Variants in LEPR observed in about 807,000 individuals in gnomAD.
LEPR encodes leptin receptor.
LEPR carries 56 observed loss-of-function variants against 114.7 expected under a neutral mutation model. That is an observed-to-expected ratio of 0.49 (90% CI 0.39 to 0.61). The LOEUF (loss-of-function observed/expected upper bound fraction) is 0.61. LEPR is among the 20% of genes least tolerant of loss of function. The pLI is 0.00. For synonymous variants in LEPR, 443 were observed against 461.4 expected (o/e 0.96, Z 0.51); for missense variants, 1,202 against 1,352.9 (o/e 0.89, Z 1.75).
intron 2 of LEPR, chr1:65,435,181 GTTGT>G: frequency 1.0e-6 from 1 of 985,340 alleles, no homozygotes; most frequent in Non-Finnish European, 1.2e-6. Flanking sequence ...GCTTTTCATA[GTTGT>G]TTCTTTTCTT....
At chr1:65,625,742 G>A (rs1316000790) in intron 19 of LEPR, among the ~76,000 whole-genome samples, 2 of 152,212 alleles carry the variant, frequency 1.3e-5, no homozygotes. Flanking sequence ...AGGCAGAGAT[G>A]TGGTGTCCAG....
At chr1:65,485,694 C>T (rs1647450189) in intron 2 of LEPR, among the ~76,000 whole-genome samples, 1 of 152,128 alleles carries the variant, frequency 6.6e-6, no homozygotes. Context: ...GTTCTAAAAT[C>T]AGATTAGTCA....
chr1:65,504,209 C>G (rs1648607677), intron 2 of LEPR, among the ~76,000 whole-genome samples: 1 of 152,116 alleles, frequency 6.6e-6, no homozygotes, highest in African/African-American at 2.4e-5. Context: ...AAATAGGGAA[C>G]AAGATACATC....
chr1:65,428,617 G>A (rs1646425201), intron 2 of LEPR, among the ~76,000 whole-genome samples: 1 of 152,126 alleles, frequency 6.6e-6, no homozygotes. Flanking sequence ...GCTTTCATTA[G>A]TGTGGCTTCA....
chr1:65,552,523 C>T (rs183100109), intron 2 of LEPR, among the ~76,000 whole-genome samples: 9 of 152,202 alleles, frequency 5.9e-5, no homozygotes, highest in African/African-American at 2.2e-4. Flanking sequence ...ACTAGGATTG[C>T]AACCCCTGCT....
intron 2 of LEPR, chr1:65,434,637 G>A (rs1307497632): frequency 1.0e-6 from 1 of 985,296 alleles, no homozygotes. Context: ...TTTGGAGGAA[G>A]GACAGTGCAA....
At chr1:65,545,725 A>G (rs868862783) in intron 2 of LEPR, among the ~76,000 whole-genome samples, 221 of 150,730 alleles carry the variant, frequency 1.5e-3, no homozygotes, top group African/African-American at 5.2e-3. Flanking sequence ...TCAGATGAGT[A>G]GTTTGTGAAA....
chr1:65,523,715 G>T (rs1621286), intron 2 of LEPR, among the ~76,000 whole-genome samples: 38,264 of 152,098 alleles, frequency 0.25, 6,057 homozygotes, highest in African/African-American at 0.44. Flanking sequence ...AGTAGGCAAT[G>T]ATTTTGATCT....
At chr1:65,531,637 T>C (rs367800960) in intron 2 of LEPR, among the ~76,000 whole-genome samples, 1 of 152,274 alleles carries the variant, frequency 6.6e-6, no homozygotes, top group South Asian at 2.1e-4. Context: ...ATGTAAGAGG[T>C]GCTCAATGCT....
intron 2 of LEPR, among the ~76,000 whole-genome samples, chr1:65,472,210 G>A (rs576663038): frequency 6.6e-6 from 1 of 151,770 alleles, no homozygotes; most frequent in South Asian, 2.1e-4. Context: ...AAAGCATAAG[G>A]CATAAAATCA....
chr1:65,573,076 G>A (rs574434888), intron 5 of LEPR, among the ~76,000 whole-genome samples: 25 of 152,282 alleles, frequency 1.6e-4, no homozygotes, highest in African/African-American at 5.5e-4. Flanking sequence ...CTCTCTCTGG[G>A]TACAAGAGCG....
At chr1:65,518,708 C>T (rs1649411335) in intron 2 of LEPR, among the ~76,000 whole-genome samples, 1 of 152,198 alleles carries the variant, frequency 6.6e-6, no homozygotes, top group Non-Finnish European at 1.5e-5. Context: ...ACAAATTCTG[C>T]TTTCCACATA....
At chr1:65,423,304 G>A (rs1023452153) in intron 1 of LEPR, among the ~76,000 whole-genome samples, 3 of 152,138 alleles carry the variant, frequency 2.0e-5, no homozygotes, top group African/African-American at 7.2e-5. Flanking sequence ...AGTGAAAAGA[G>A]AGATGGGGTT....
rs1290141032 is a variant in LEPR, at chr1:65,488,222, CTCTCTCTT to C, written c.-21+62848_-21+62855del. On this transcript the variant is annotated intron_variant, in intron 2 of 19. Coordinates refer to ENST00000349533, the MANE Select transcript of LEPR (RefSeq NM_002303.6). ...TTTCTTTCTTTCTTTCTCTCTCTCT[CTCTCTCTT>C]TCTTTCTTTCTTTCTTTCTTTCTTT... 1.9e-3 allele frequency among the ~76,000 whole-genome samples: 135 copies of C among 70,764 alleles called. 1 individual carries two copies. In the East Asian group the frequency reaches 0.037, roughly 20 times the overall value. The allele number at this position is 70,764 out of a possible 152,430, so 46.4% of individuals were successfully genotyped here.
At chr1:65,544,444 G>C (rs2100677994) in intron 2 of LEPR, among the ~76,000 whole-genome samples, 1 of 152,014 alleles carries the variant, frequency 6.6e-6, no homozygotes, top group Non-Finnish European at 1.5e-5. Context: ...TCTTTCTCTT[G>C]CCTGATTTCC....
chr1:65,600,002 T>C (rs1361331965), intron 8 of LEPR, among the ~76,000 whole-genome samples: 2 of 152,166 alleles, frequency 1.3e-5, no homozygotes, highest in African/African-American at 4.8e-5. Flanking sequence ...ATGACTTTAA[T>C]CTTATTTCTC....
chr1:65,585,654 T>C (rs1487800509), intron 5 of LEPR, among the ~76,000 whole-genome samples: 1 of 152,022 alleles, frequency 6.6e-6, no homozygotes, highest in Non-Finnish European at 1.5e-5. Context: ...GCACTGAGTT[T>C]GTATATGTGT....
intron 2 of LEPR, chr1:65,433,119 T>C: frequency 2.0e-6 from 2 of 985,386 alleles, no homozygotes; most frequent in Non-Finnish European, 2.4e-6. Context: ...GGTAACTCTT[T>C]TACATTTCCT....
intron 2 of LEPR, among the ~76,000 whole-genome samples, chr1:65,491,458 C>A (rs11579567): frequency 0.1 from 15,249 of 152,062 alleles, 1,025 homozygotes; most frequent in African/African-American, 0.17. Context: ...TAGTAATACC[C>A]ACTATTGCTA....
Sources: gnomAD v4.1 joint callset for allele counts (sites outside exome capture counted in the v4.1 genomes callset) on GRCh38, gnomAD v4.1.1 for gene constraint, MANE v1.5 for transcripts, NCBI Gene and HGNC (gene_info 2026-07-23, HGNC 2026-07-21) for gene names.